Variants in DSG2 observed in about 807,000 individuals in gnomAD.
DSG2 encodes the protein desmoglein-2.
DSG2 carries 45 observed loss-of-function variants against 75.6 expected under a neutral mutation model. The ratio of observed to expected loss-of-function variants is 0.60; its 90% CI spans 0.47 to 0.76. The LOEUF (loss-of-function observed/expected upper bound fraction) is 0.76, where lower values mean the gene tolerates loss of function less well. Ranked by LOEUF, DSG2 falls within the 30% of genes least tolerant of loss-of-function variation. The pLI, the probability that DSG2 is intolerant of heterozygous loss-of-function variation, is 0.00. For synonymous variants in DSG2, 429 were observed against 483.9 expected (o/e 0.89, Z 1.49); for missense variants, 1,267 against 1,357.4 (o/e 0.93, Z 1.05).
chr18:31,498,382 C>T, intron 1 of DSG2, 86 bp downstream of exon 1: 1 of 1,224,576 alleles, frequency 8.2e-7, no homozygotes, highest in Non-Finnish European at 1.0e-6. Flanking sequence ...GACTTGCCCG[C>T]CGCCCTTGTG....
At chr18:31,541,155 G>T (rs375603031) in intron 12 of DSG2, 38 bp from the exon 13 acceptor site, 1 of 1,613,802 alleles carries the variant, frequency 6.2e-7, no homozygotes, top group Non-Finnish European at 8.5e-7. Context: ...AATATATCAA[G>T]GTTAACCTTA....
At chr18:31,538,015 G>A (rs1247347553) in intron 11 of DSG2, among the ~76,000 whole-genome samples, 2 of 152,056 alleles carry the variant, frequency 1.3e-5, no homozygotes, top group East Asian at 3.9e-4. Flanking sequence ...AGAAGAAGAA[G>A]AAGTGTAAGA....
chr18:31,532,434 A>G (rs1051077533), intron 9 of DSG2, among the ~76,000 whole-genome samples: 3 of 152,216 alleles, frequency 2.0e-5, no homozygotes, highest in African/African-American at 7.2e-5. Context: ...TCCGAGGGTT[A>G]CAAACATGAA....
intron 8 of DSG2, among the ~76,000 whole-genome samples, chr18:31,525,518 CAA>C (rs142906831): frequency 3.1e-5 from 4 of 130,640 alleles, no homozygotes; most frequent in Non-Finnish European, 3.3e-5. Context: ...GACCCTGACT[CAA>C]AAAAAAAAAA....
At chr18:31,520,745 C>A (rs2073122652) in intron 3 of DSG2, 58 bp from the exon 4 acceptor site, 2 of 1,569,888 alleles carry the variant, frequency 1.3e-6, no homozygotes, top group African/African-American at 2.7e-5. Context: ...TGGCTAAGAT[C>A]AAATCTAGTA....
intron 10 of DSG2, among the ~76,000 whole-genome samples, chr18:31,535,787 CA>C (rs1483416563): frequency 6.7e-6 from 1 of 149,618 alleles, no homozygotes; most frequent in Non-Finnish European, 1.5e-5. Flanking sequence ...AAAACAAAAA[CA>C]AAAACCTAAT....
At chr18:31,527,730 C>T (rs1229771444) in intron 8 of DSG2, among the ~76,000 whole-genome samples, 1 of 152,162 alleles carries the variant, frequency 6.6e-6, no homozygotes, top group African/African-American at 2.4e-5. Context: ...TATCTTAGTC[C>T]GTTTGGGCTG....
intron 1 of DSG2, among the ~76,000 whole-genome samples, chr18:31,499,644 A>C (rs762177978): frequency 1.3e-5 from 2 of 152,146 alleles, no homozygotes; most frequent in Non-Finnish European, 2.9e-5. Context: ...TGTCACCTTG[A>C]TGTTTCCTTG....
intron 14 of DSG2, among the ~76,000 whole-genome samples, chr18:31,544,312 AAATT>A (rs1188516493): frequency 2.6e-5 from 4 of 152,210 alleles, no homozygotes; most frequent in Non-Finnish European, 5.9e-5. Flanking sequence ...GATGAAAAAA[AAATT>A]AAAACCAGAG....
chr18:31,525,866 G>A (rs973174488), intron 8 of DSG2, among the ~76,000 whole-genome samples: 4 of 152,172 alleles, frequency 2.6e-5, no homozygotes, highest in African/African-American at 9.7e-5. Flanking sequence ...GGCCGGGTGT[G>A]GTGGCTCAGG....
chr18:31,529,588 C>T (rs2073182280), intron 8 of DSG2, among the ~76,000 whole-genome samples: 1 of 152,024 alleles, frequency 6.6e-6, no homozygotes, highest in Admixed American at 6.5e-5. Context: ...CCATCCAGAG[C>T]CCAATAGAGA....
At chr18:31,507,058 C>G (rs951344470) in intron 1 of DSG2, among the ~76,000 whole-genome samples, 17 of 152,216 alleles carry the variant, frequency 1.1e-4, no homozygotes, top group Middle Eastern at 3.4e-3. Context: ...GGTATTTCTC[C>G]TAGTACTATC....
rs1347499581 is a variant in DSG2 at position 31,524,592 on chromosome 18, A to G, written c.828+7A>G. The G allele has an allele frequency of 1.2e-6, 2 of 1,612,412 alleles. No homozygotes were observed. Among genetic ancestry groups the G allele is most frequent in the South Asian group, 1.1e-5 (1 of 91,014 alleles). On this transcript the variant is annotated splice_region_variant and intron_variant, in intron 7 of 14. Coordinates refer to ENST00000261590, the MANE Select transcript of DSG2 (RefSeq NM_001943.5). ...TGTAGTAGAAAATAAAGTGGTAACTATTATTCTTCTAATAACTGTACCTAT... is the reference window on the plus strand; with the variant it reads ...TGTAGTAGAAAATAAAGTGGTAACTGTTATTCTTCTAATAACTGTACCTAT...
chr18:31,524,662 G>A (rs2073150511), intron 7 of DSG2, 41 bp from the exon 8 acceptor site: 1 of 1,607,214 alleles, frequency 6.2e-7, no homozygotes, highest in Non-Finnish European at 8.5e-7. Context: ...ACTTATATTT[G>A]TATTTCATTG....
chr18:31,505,818 C>A (rs1016522291), intron 1 of DSG2, among the ~76,000 whole-genome samples: 1 of 151,900 alleles, frequency 6.6e-6, no homozygotes. Flanking sequence ...CACGCCACCA[C>A]GCCCATCTAA....
chr18:31,509,111 A>G (rs2073053772), intron 1 of DSG2, among the ~76,000 whole-genome samples: 2 of 152,276 alleles, frequency 1.3e-5, no homozygotes, highest in African/African-American at 2.4e-5. Context: ...GGAACTGTCC[A>G]TGAATATACA....
At chr18:31,521,323 A>G in intron 5 of DSG2, 80 bp downstream of exon 5, 3 of 1,400,212 alleles carry the variant, frequency 2.1e-6, no homozygotes, top group Non-Finnish European at 2.9e-6. Flanking sequence ...ACTAAATTTC[A>G]TATCTTAATG....
rs1223549416 is a variant in DSG2, at chr18:31,546,424, A to C, written c.3038A>C (p.Tyr1013Ser). The C allele has an allele frequency of 3.7e-6, 6 of 1,614,208 alleles. No homozygotes were observed. Among genetic ancestry groups the C allele is most frequent in the Non-Finnish European group, 5.1e-6 (6 of 1,180,024 alleles). ...ACTCAGCATCTTCAAGATGTACCTTACGTCATGGTGAGGGAAAGAGAGAGC... is the reference window on the plus strand; with the variant it reads ...ACTCAGCATCTTCAAGATGTACCTTCCGTCATGGTGAGGGAAAGAGAGAGC... ...EGTQHLQDVP[Y>S]VMVRERESFL... Residue 1013 changes from tyrosine to serine, a missense_variant, in exon 15 of 15, where the codon TAC becomes TCC. Tyr to Ser is a moderately radical substitution (Grantham distance 144). Transcript: ENST00000261590.
chr18:31,520,738 C>G lies in DSG2; in HGVS notation c.217-65C>G, dbSNP rs2155944. On this transcript the variant is annotated intron_variant, in intron 3 of 14. Coordinates refer to ENST00000261590, the MANE Select transcript of DSG2 (RefSeq NM_001943.5). ...AGAGAATCACTTCTTAGGCTTTTGG[C>G]TAAGATCAAATCTAGTAAATTACAG... 25,443 of 1,542,370 alleles carry G rather than the reference C, an allele frequency of 0.016. 1,854 individuals are homozygous for G. The African/African-American group carries it at 0.18, about 11-fold the overall frequency.
Sources: gnomAD v4.1 joint callset for allele counts (sites outside exome capture counted in the v4.1 genomes callset) on GRCh38, gnomAD v4.1.1 for gene constraint, MANE v1.5 for transcripts, NCBI Gene and HGNC (gene_info 2026-07-23, HGNC 2026-07-21) for gene names.